The following NRXN1 variants were observed in gnomAD, a reference collection of about 807,000 sequenced individuals.
NRXN1 encodes the protein neurexin-1.
Under a neutral mutation model 150.9 loss-of-function variants are expected in NRXN1, and 39 were observed. The ratio of observed to expected loss-of-function variants is 0.26; its 90% CI spans 0.20 to 0.34. NRXN1 has a LOEUF of 0.34. Among genes scored for constraint, NRXN1 ranks in the 10% least tolerant of loss-of-function variants. The pLI is 1.00. For missense variants in NRXN1, 1,815 were observed against 1,949.9 expected (o/e 0.93, Z 1.30); for synonymous variants, 924 against 757.0 (o/e 1.22, Z -3.62).
At chr2:50,130,707 T>A (rs1355243513) in intron 18 of NRXN1, among the ~76,000 whole-genome samples, 2 of 152,190 alleles carry the variant, frequency 1.3e-5, no homozygotes, top group East Asian at 3.9e-4. Flanking sequence ...AAAGTTCAGC[T>A]TTTATACTGT....
chr2:50,678,312 G>A (rs1689836301), intron 5 of NRXN1, among the ~76,000 whole-genome samples: 2 of 152,082 alleles, frequency 1.3e-5, no homozygotes, highest in East Asian at 1.9e-4. Context: ...TATTTCACAT[G>A]CAAAAAACTT....
intron 5 of NRXN1, among the ~76,000 whole-genome samples, chr2:50,824,955 G>T (rs1358188218): frequency 6.6e-6 from 1 of 152,178 alleles, no homozygotes; most frequent in Non-Finnish European, 1.5e-5. Flanking sequence ...TTGGAGACCG[G>T]AATTCTCCTG....
At chr2:50,597,985 A>T (rs1395523466) in intron 8 of NRXN1, among the ~76,000 whole-genome samples, 1 of 152,008 alleles carries the variant, frequency 6.6e-6, no homozygotes, top group East Asian at 1.9e-4. Context: ...CCAAAAATAC[A>T]AAAATTACCC....
At chr2:50,752,386 T>C (rs1700697418) in intron 5 of NRXN1, among the ~76,000 whole-genome samples, 1 of 151,956 alleles carries the variant, frequency 6.6e-6, no homozygotes, top group Admixed American at 6.6e-5. Context: ...AAACATGTGC[T>C]CATTGAGAAA....
intron 18 of NRXN1, among the ~76,000 whole-genome samples, chr2:50,196,226 C>G (rs1322450628): frequency 3.9e-5 from 6 of 152,088 alleles, no homozygotes; most frequent in Admixed American, 6.6e-5. Flanking sequence ...CTTAGATATA[C>G]TCTCTTACTA....
rs961348438 is a variant in NRXN1, at chr2:49,919,530, G to A, written c.*2414C>T. ...TCTTTCCAGATGGAAACTGGTTCAAGCTTAATAGATAAAATAGAAAAGCAA... is the reference window on the plus strand; with the variant it reads ...TCTTTCCAGATGGAAACTGGTTCAAACTTAATAGATAAAATAGAAAAGCAA... On this transcript the variant is annotated 3_prime_UTR_variant, in exon 23 of 23. Transcript: ENST00000401669. The A allele has an allele frequency of 5.3e-5, 8 of 151,088 alleles. No individual in the cohort carries two copies. The highest frequency in any genetic ancestry group is 1.9e-4 in the African/African-American group (8 of 41,092). 9.4% of individuals were successfully genotyped at this position (151,088 alleles called of 1,614,324 possible).
chr2:50,324,549 GTTTA>G (rs1373961311), intron 17 of NRXN1, among the ~76,000 whole-genome samples: 2 of 152,100 alleles, frequency 1.3e-5, no homozygotes, highest in Non-Finnish European at 2.9e-5. Flanking sequence ...TATTTTATTT[GTTTA>G]TTTATTTGAG....
At chr2:50,404,311 T>C (rs1465663328) in intron 17 of NRXN1, among the ~76,000 whole-genome samples, 2 of 152,068 alleles carry the variant, frequency 1.3e-5, no homozygotes, top group Non-Finnish European at 2.9e-5. Flanking sequence ...TCCATTCTCC[T>C]CCTATTATTT....
chr2:50,037,311 A>G (rs1159788635), intron 21 of NRXN1, among the ~76,000 whole-genome samples: 2 of 124,108 alleles, frequency 1.6e-5, no homozygotes, highest in African/African-American at 6.4e-5. Context: ...TACAATCAAA[A>G]TTTATAAAAA....
intron 21 of NRXN1, among the ~76,000 whole-genome samples, chr2:49,980,495 G>A (rs1455141618): frequency 1.3e-5 from 2 of 152,136 alleles, no homozygotes; most frequent in Non-Finnish European, 2.9e-5. Context: ...AGAAACTGGA[G>A]CAGAGAATAG....
intron 18 of NRXN1, among the ~76,000 whole-genome samples, chr2:50,207,175 C>T (rs1464441364): frequency 6.6e-6 from 1 of 152,070 alleles, no homozygotes; most frequent in Non-Finnish European, 1.5e-5. Flanking sequence ...AGGTAAGACA[C>T]ATTCACCAAA....
chr2:50,372,179 A>C (rs2080078043), intron 17 of NRXN1, among the ~76,000 whole-genome samples: 1 of 152,070 alleles, frequency 6.6e-6, no homozygotes, highest in Non-Finnish European at 1.5e-5. Context: ...AGCTGGAAGA[A>C]ACACATTTCA....
intron 21 of NRXN1, among the ~76,000 whole-genome samples, chr2:50,014,068 C>A (rs1302079667): frequency 1.3e-5 from 2 of 151,534 alleles, no homozygotes; most frequent in Admixed American, 6.6e-5. Context: ...GAGATAGCAA[C>A]AACCATGTGT....
chr2:50,312,076 T>C (rs1416671081), intron 17 of NRXN1, among the ~76,000 whole-genome samples: 1 of 152,160 alleles, frequency 6.6e-6, no homozygotes, highest in East Asian at 1.9e-4. Flanking sequence ...ACCACTGTAT[T>C]TATTCACTAA....
intron 5 of NRXN1, among the ~76,000 whole-genome samples, chr2:50,763,355 C>A (rs189846016): frequency 6.6e-6 from 1 of 151,986 alleles, no homozygotes; most frequent in Non-Finnish European, 1.5e-5. Context: ...TTTATCTTGG[C>A]CTCAATTCCT....
intron 8 of NRXN1, among the ~76,000 whole-genome samples, chr2:50,617,908 C>G (rs1385298676): frequency 2.0e-5 from 3 of 152,182 alleles, no homozygotes; most frequent in Non-Finnish European, 1.5e-5. Flanking sequence ...GTTTTATACA[C>G]ACACAGAAAA....
chr2:50,791,016 T>C (rs1299916917), intron 5 of NRXN1, among the ~76,000 whole-genome samples: 1 of 151,990 alleles, frequency 6.6e-6, no homozygotes, highest in Non-Finnish European at 1.5e-5. Context: ...GTTTCCTTTG[T>C]TGGTAATTTT....
At chr2:50,950,783 A>C (rs1008411284) in intron 2 of NRXN1, among the ~76,000 whole-genome samples, 1 of 152,244 alleles carries the variant, frequency 6.6e-6, no homozygotes, top group South Asian at 2.1e-4. Flanking sequence ...CCATGCTAAT[A>C]ACTTTTTACA....
intron 21 of NRXN1, among the ~76,000 whole-genome samples, chr2:50,007,158 C>A (rs921825195): frequency 9.9e-5 from 15 of 151,762 alleles, no homozygotes; most frequent in African/African-American, 3.6e-4. Flanking sequence ...GCCTGGATAA[C>A]AAAGCGAGAC....
Sources: allele counts gnomAD v4.1 joint callset (sites outside exome capture counted in the v4.1 genomes callset), GRCh38; gene constraint gnomAD v4.1.1; transcripts MANE v1.5; gene names NCBI Gene and HGNC (gene_info 2026-07-23, HGNC 2026-07-21).